The following STAB2 variants were observed in gnomAD, a reference collection of about 807,000 sequenced individuals.
STAB2 encodes the protein stabilin-2.
A neutral mutation model predicts 338.1 loss-of-function variants in STAB2; 288 were observed. The observed-to-expected ratio is 0.85, with a 90% CI of 0.77 to 0.94. The LOEUF (loss-of-function observed/expected upper bound fraction) is 0.94. STAB2 is among the 40% of genes least tolerant of loss of function. The probability of loss-of-function intolerance (pLI) is 0.00; values close to 1 mark genes in which losing one functional copy is unlikely to be tolerated. For missense variants in STAB2, 3,141 were observed against 3,210.1 expected (o/e 0.98, Z 0.52); for synonymous variants, 1,202 against 1,193.3 (o/e 1.01, Z -0.15).
chr12:103,638,203 G>A lies in STAB2; in HGVS notation c.897G>A (p.Gly299=), dbSNP rs1411788749. 1 of 1,613,492 alleles carries A rather than the reference G, an allele frequency of 6.2e-7. No individual in the cohort carries two copies. The highest frequency in any genetic ancestry group is 2.2e-5 in the East Asian group (1 of 44,866). Residue 299 remains glycine, a synonymous_variant, in exon 8 of 69, where the codon GGG becomes GGA. Transcript: ENST00000388887. ...PTKSTVCKYD[G]PGQSHCECKE... ...AGTCTACAGTGTGCAAATATGATGGGCCTGGACAGGTGAGCAAATGATGCA... is the reference window on the plus strand; with the variant it reads ...AGTCTACAGTGTGCAAATATGATGGACCTGGACAGGTGAGCAAATGATGCA...
intron 31 of STAB2, among the ~76,000 whole-genome samples, chr12:103,693,919 G>A (rs1003711094): frequency 2.6e-5 from 4 of 151,992 alleles, no homozygotes; most frequent in East Asian, 1.9e-4. Flanking sequence ...TTGGGAGGCC[G>A]AGGCGGGCGG....
chr12:103,763,996 T>TTTTC (rs1209809927), intron 68 of STAB2, among the ~76,000 whole-genome samples: 1 of 152,136 alleles, frequency 6.6e-6, no homozygotes, highest in Non-Finnish European at 1.5e-5. Flanking sequence ...CCTTTTTTTT[T>TTTTC]TTTCTTTGAG....
chr12:103,757,617 CA>C (rs1884230620), intron 63 of STAB2, among the ~76,000 whole-genome samples: 1 of 152,120 alleles, frequency 6.6e-6, no homozygotes, highest in East Asian at 1.9e-4. Flanking sequence ...AAAGTGTAAA[CA>C]GGGGAGAGGG....
At position 103,669,614 on chromosome 12, in the gene STAB2, C is replaced by T. The variant is rs149144166; in HGVS notation, c.2246C>T (p.Ser749Leu). 56 of 1,614,088 alleles carry T rather than the reference C, an allele frequency of 3.5e-5. No individual in the cohort carries two copies. The East Asian group carries it at 1.0e-3, about 30-fold the overall frequency. Residue 749 changes from serine (S) to leucine (L), a missense_variant, in exon 21 of 69, where the codon TCA (serine) becomes TTA (leucine). By Grantham distance (145) the Ser-to-Leu change is moderately radical (BLOSUM62 -2). Transcript: ENST00000388887. ...CCAGGAGGCTTCTCAAATCCATGCTCAGGAAATGGACAGGTGAATACTGAA... is the reference window on the plus strand; with the variant it reads ...CCAGGAGGCTTCTCAAATCCATGCTTAGGAAATGGACAGGTGAATACTGAA... ...QCPGGFSNPC[S>L]GNGQCADSLG...
In STAB2 at chr12:103,725,707, A is replaced by C. The variant is rs75812710; in HGVS notation, c.4804-409A>C. 3.9e-3 allele frequency among the ~76,000 whole-genome samples: 596 copies of C among 152,318 alleles called. 8 individuals carry two copies. The highest frequency in any genetic ancestry group is 0.014 in the African/African-American group (570 of 41,582). ...AGCATAGTGGTTGAGGCAAGGTGAT[A>C]TTTGCAGCTTTCTATTATAAAGTAA... On this transcript the variant is annotated intron_variant, in intron 45 of 68. Transcript: ENST00000388887.
At chr12:103,619,367 G>T (rs182393895) in intron 3 of STAB2, among the ~76,000 whole-genome samples, 1 of 152,200 alleles carries the variant, frequency 6.6e-6, no homozygotes, top group Admixed American at 6.5e-5. Context: ...CACTCAAAGT[G>T]TAGAACAACA....
Position 103,652,707 on chromosome 12 carries a change from T to G in STAB2, c.1407+2T>G, listed in dbSNP as rs1873835516. On this transcript the variant is annotated splice_donor_variant, in intron 12 of 68. Transcript: ENST00000388887. LOFTEE classifies it high-confidence loss of function. ...GGGGAAATCTTCAACAGCGATAAGG[T>G]AAGGGTTCCTCTGATTTTCACTCCC... is the stretch of plus-strand genomic sequence containing the variant. 1 of 1,579,634 alleles carries G rather than the reference T, an allele frequency of 6.3e-7. No homozygotes were observed. Among genetic ancestry groups the G allele is most frequent in the Non-Finnish European group, 8.6e-7 (1 of 1,164,390 alleles).
chr12:103,680,388 T>G (rs1876791325), intron 25 of STAB2, among the ~76,000 whole-genome samples: 1 of 152,166 alleles, frequency 6.6e-6, no homozygotes, highest in Non-Finnish European at 1.5e-5. Flanking sequence ...CATATATGGA[T>G]CTAGCTGCTG....
rs1878358157 is a variant in STAB2 at position 103,695,838 on chromosome 12, G to C, written c.3576G>C (p.Leu1192Phe). The C allele has an allele frequency of 2.5e-6, 4 of 1,613,904 alleles. No individual in the cohort carries two copies. The highest frequency in any genetic ancestry group is 3.4e-6 in the Non-Finnish European group (4 of 1,179,918). Residue 1192 changes from leucine to phenylalanine, a missense_variant, in exon 33 of 69, where the codon TTG becomes TTC. Physicochemically the swap from Leu to Phe is conservative, Grantham distance 22. Coordinates refer to ENST00000388887, the MANE Select transcript of STAB2 (RefSeq NM_017564.10). Reference sequence around the variant, plus strand: ...ATTACATCAGGGAGAAGAAAGTCTTGTCTCTAGTAAGTGTCAAGAACTATA... The same window carrying C: ...ATTACATCAGGGAGAAGAAAGTCTTCTCTCTAGTAAGTGTCAAGAACTATA... ...IENYIREKKV[L>F]SLEEDVLRYH...
intron 39 of STAB2, among the ~76,000 whole-genome samples, chr12:103,710,899 G>A (rs866968942): frequency 6.6e-6 from 1 of 152,246 alleles, no homozygotes; most frequent in Middle Eastern, 3.4e-3. Flanking sequence ...TCAAGAAATA[G>A]GTAGGCATCC....
chr12:103,737,608 T>TCTC, intron 52 of STAB2, 26 bp from the exon 53 acceptor site: 1 of 400,006 alleles, frequency 2.5e-6, no homozygotes, highest in Non-Finnish European at 3.4e-6. Context: ...CTCTTTCTCT[T>TCTC]TTTTTTTTTT....
intron 43 of STAB2, among the ~76,000 whole-genome samples, chr12:103,716,307 G>A (rs1287949624): frequency 1.3e-5 from 2 of 152,162 alleles, no homozygotes; most frequent in Admixed American, 6.5e-5. Context: ...TGAGTACCAT[G>A]AGCTTGCAGC....
At chr12:103,588,490 T>A (rs1956747425) in intron 1 of STAB2, among the ~76,000 whole-genome samples, 1 of 152,186 alleles carries the variant, frequency 6.6e-6, no homozygotes, top group African/African-American at 2.4e-5. Context: ...ATCATCACCA[T>A]CATCATCTTC....
At chr12:103,732,952 C>A in intron 50 of STAB2, 54 bp from the exon 51 acceptor site, 1 of 1,584,606 alleles carries the variant, frequency 6.3e-7, no homozygotes, top group Non-Finnish European at 8.6e-7. Context: ...GAACCCCTGC[C>A]CACATGTCTG....
chr12:103,713,550 G>C, intron 41 of STAB2, 93 bp from the exon 42 acceptor site: 1 of 1,553,892 alleles, frequency 6.4e-7, no homozygotes, highest in Non-Finnish European at 8.8e-7. Flanking sequence ...AAGTAGTTTT[G>C]CAGTATGTTC....
chr12:103,742,764 C>T (rs1234016596), intron 56 of STAB2, among the ~76,000 whole-genome samples: 1 of 152,172 alleles, frequency 6.6e-6, no homozygotes, highest in Admixed American at 6.5e-5. Context: ...TGAAACTTGT[C>T]CCCAGCAGCC....
rs1023950285 is a variant in STAB2, at chr12:103,712,435, T to C, written c.4403T>C (p.Ile1468Thr). 16 of 1,613,508 alleles carry C rather than the reference T, an allele frequency of 9.9e-6. No individual in the cohort carries two copies. The highest frequency in any genetic ancestry group is 1.3e-5 in the African/African-American group (1 of 74,892). The change falls in exon 41 of 69, where the codon ATC becomes ACC. Residue 1468 changes from isoleucine (I) to threonine (T), a missense_variant. Ile to Thr is a moderately conservative substitution (Grantham distance 89, BLOSUM62 -1). Transcript: ENST00000388887. ...GCAGGATTCCAAGGAAACGGGACCA[T>C]CTGCACAGGCAAGCGAAGGAAGGAA... ...CAAGFQGNGTICTAINACEIS... is the reference protein window; with the variant it reads ...CAAGFQGNGTTCTAINACEIS...
At chr12:103,610,430 C>T (rs182178356) in intron 3 of STAB2, among the ~76,000 whole-genome samples, 4 of 152,204 alleles carry the variant, frequency 2.6e-5, no homozygotes, top group Non-Finnish European at 2.9e-5. Flanking sequence ...GTGTATGTGT[C>T]GAGGAATTTA....
chr12:103,705,702 A>G lies in STAB2; in HGVS notation c.3971A>G (p.Gln1324Arg), dbSNP rs1566031974. The change falls in exon 37 of 69, where the codon CAG becomes CGG. Residue 1324 changes from glutamine (Q) to arginine (R), a missense_variant. Coordinates refer to ENST00000388887, the MANE Select transcript of STAB2 (RefSeq NM_017564.10). ...AGACGAACCCTGTTTATTGGGTGCC[A>G]GCCAAAATGTGTGAGAACCGTCATT... ...MGRRTLFIGC[Q>R]PKCVRTVITR... The G allele has an allele frequency of 1.9e-6, 3 of 1,614,232 alleles. No homozygotes were observed. The East Asian group carries it at 6.7e-5, about 36-fold the overall frequency.
Sources: gnomAD v4.1 joint callset for allele counts (sites outside exome capture counted in the v4.1 genomes callset) on GRCh38, gnomAD v4.1.1 for gene constraint, MANE v1.5 for transcripts, NCBI Gene and HGNC (gene_info 2026-07-23, HGNC 2026-07-21) for gene names.